The following RGS7 variants were observed in gnomAD, a reference collection of about 807,000 sequenced individuals.
RGS7 encodes regulator of G protein signaling 7.
A neutral mutation model predicts 81.1 loss-of-function variants in RGS7; 27 were observed. The ratio of observed to expected loss-of-function variants is 0.33; its 90% CI spans 0.25 to 0.46. RGS7 has a LOEUF of 0.46. Ranked by LOEUF, RGS7 falls within the 20% of genes least tolerant of loss-of-function variation. The pLI is 1.00. For synonymous variants in RGS7, 208 were observed against 207.7 expected, an observed-to-expected ratio of 1.00 and a Z score of -0.01; for missense variants, 396 against 607.4, an observed-to-expected ratio of 0.65 and a Z score of 3.66.
At chr1:241,324,236 T>G (rs1045168479) in intron 2 of RGS7, among the ~76,000 whole-genome samples, 9 of 152,174 alleles carry the variant, frequency 5.9e-5, no homozygotes, top group Non-Finnish European at 1.2e-4. Flanking sequence ...TACCAGCTTG[T>G]TCACTTAAGA....
chr1:240,951,373 G>A (rs954621840), intron 4 of RGS7, among the ~76,000 whole-genome samples: 1 of 152,134 alleles, frequency 6.6e-6, no homozygotes, highest in Non-Finnish European at 1.5e-5. Flanking sequence ...ATATGTTAGG[G>A]ACTCTAATAG....
At chr1:241,208,551 C>T (rs2074061441) in intron 2 of RGS7, among the ~76,000 whole-genome samples, 2 of 152,054 alleles carry the variant, frequency 1.3e-5, no homozygotes, top group African/African-American at 4.8e-5. Flanking sequence ...AATCCTCAGC[C>T]CTTCCCAGTC....
intron 4 of RGS7, among the ~76,000 whole-genome samples, chr1:240,953,490 C>A (rs56817987): frequency 0.1 from 15,157 of 151,650 alleles, 1,255 homozygotes; most frequent in African/African-American, 0.23. Flanking sequence ...CTTTAGTAAC[C>A]CATAGGTCAA....
At chr1:241,082,771 C>CA (rs2063208190) in intron 3 of RGS7, among the ~76,000 whole-genome samples, 1 of 152,098 alleles carries the variant, frequency 6.6e-6, no homozygotes, top group African/African-American at 2.4e-5. Context: ...ATGGATATCC[C>CA]AATTACCCTG....
chr1:241,343,278 T>C (rs1302236232), intron 2 of RGS7, among the ~76,000 whole-genome samples: 2 of 112,446 alleles, frequency 1.8e-5, no homozygotes, highest in Non-Finnish European at 3.9e-5. Context: ...AAAAAAAAAA[T>C]TAAAAGTACA....
At chr1:241,064,086 G>A (rs1237799742) in intron 3 of RGS7, among the ~76,000 whole-genome samples, 1 of 151,490 alleles carries the variant, frequency 6.6e-6, no homozygotes, top group Non-Finnish European at 1.5e-5. Flanking sequence ...GGGAGGCTGA[G>A]GCAGGAGAAT....
chr1:241,062,068 A>G (rs2061768918), intron 3 of RGS7, among the ~76,000 whole-genome samples: 1 of 152,226 alleles, frequency 6.6e-6, no homozygotes, highest in Non-Finnish European at 1.5e-5. Flanking sequence ...GGCAGCTGGC[A>G]TCATCGCCAA....
At chr1:241,242,046 C>A (rs1163656508) in intron 2 of RGS7, among the ~76,000 whole-genome samples, 2 of 151,222 alleles carry the variant, frequency 1.3e-5, no homozygotes, top group African/African-American at 4.9e-5. Context: ...TTTGGTGCAC[C>A]CATCACCCAA....
At chr1:241,306,871 G>A (rs142143789) in intron 2 of RGS7, among the ~76,000 whole-genome samples, 1,939 of 152,284 alleles carry the variant, frequency 0.013, 25 homozygotes, top group Admixed American at 0.022. Flanking sequence ...GCCTAGTTTG[G>A]AACAGAAGCG....
intron 3 of RGS7, among the ~76,000 whole-genome samples, chr1:240,985,616 C>G (rs1685534706): frequency 6.6e-6 from 1 of 152,170 alleles, no homozygotes; most frequent in Admixed American, 6.5e-5. Flanking sequence ...GCTAGTGCCA[C>G]TTAGCAGATG....
chr1:240,960,490 C>G (rs113920660), intron 4 of RGS7, among the ~76,000 whole-genome samples: 4,764 of 150,514 alleles, frequency 0.032, 251 homozygotes, highest in African/African-American at 0.11. Context: ...GATCTTCCCG[C>G]CTCAGCCTTC....
chr1:241,178,306 A>C (rs896377747), intron 2 of RGS7, among the ~76,000 whole-genome samples: 15 of 152,194 alleles, frequency 9.9e-5, no homozygotes, highest in Admixed American at 8.5e-4. Flanking sequence ...AAAATGAAAA[A>C]GTAAAAAAGA....
chr1:240,978,052 C>A (rs1684407307), intron 4 of RGS7, among the ~76,000 whole-genome samples: 1 of 152,198 alleles, frequency 6.6e-6, no homozygotes, highest in Non-Finnish European at 1.5e-5. Flanking sequence ...CCCCACCATA[C>A]TTAGTCTGTC....
intron 3 of RGS7, among the ~76,000 whole-genome samples, chr1:241,093,343 C>G (rs1440492461): frequency 6.6e-6 from 1 of 152,028 alleles, no homozygotes; most frequent in Non-Finnish European, 1.5e-5. Context: ...TAAACCTCTG[C>G]TAAAGGAACT....
intron 18 of RGS7, among the ~76,000 whole-genome samples, chr1:240,794,494 C>G (rs1341956619): frequency 6.6e-6 from 1 of 152,194 alleles, no homozygotes; most frequent in Non-Finnish European, 1.5e-5. Context: ...TTATGGGGAA[C>G]AAATCCAATG....
At chr1:241,085,585 C>CG (rs1029894137) in intron 3 of RGS7, among the ~76,000 whole-genome samples, 8 of 143,480 alleles carry the variant, frequency 5.6e-5, no homozygotes, top group African/African-American at 2.3e-4. Flanking sequence ...CCATCATGCC[C>CG]GGCTAATTTT....
chr1:241,068,242 A>G (rs868623644), intron 3 of RGS7, among the ~76,000 whole-genome samples: 398 of 7,790 alleles, frequency 0.051, 27 homozygotes, highest in Admixed American at 0.26. Context: ...GTGTGTGTAT[A>G]TATATATATA....
At chr1:240,776,248 AAATC>A in intron 18 of RGS7, 35 bp from the exon 19 acceptor site, 1 of 1,524,210 alleles carries the variant, frequency 6.6e-7, no homozygotes. Flanking sequence ...AAAAGAAAGA[AAATC>A]AAGTACGATC....
intron 6 of RGS7, among the ~76,000 whole-genome samples, chr1:240,880,779 G>A (rs778860406): frequency 5.3e-5 from 8 of 152,118 alleles, no homozygotes; most frequent in Admixed American, 1.3e-4. Context: ...ACACCACCAT[G>A]TCCCTTCCAT....
Sources: gnomAD v4.1 joint callset for allele counts (sites outside exome capture counted in the v4.1 genomes callset) on GRCh38, gnomAD v4.1.1 for gene constraint, MANE v1.5 for transcripts, NCBI Gene and HGNC (gene_info 2026-07-23, HGNC 2026-07-21) for gene names.